Variants in KIAA1549L observed in about 807,000 individuals in gnomAD.
The protein encoded by KIAA1549L is KIAA1549 like.
In KIAA1549L, 88 loss-of-function variants were observed where a neutral mutation model predicts 160.7. The observed-to-expected ratio is 0.55, with a 90% CI of 0.46 to 0.65. KIAA1549L has a LOEUF of 0.65. Ranked by LOEUF, KIAA1549L falls within the 30% of genes least tolerant of loss-of-function variation. The pLI, the probability that KIAA1549L is intolerant of heterozygous loss-of-function variation, is 0.00. For synonymous variants in KIAA1549L, 950 were observed against 976.7 expected, an observed-to-expected ratio of 0.97 and a Z score of 0.51; for missense variants, 2,258 against 2,437.5, an observed-to-expected ratio of 0.93 and a Z score of 1.55.
rs375779935 is a variant in KIAA1549L at position 33,658,895 on chromosome 11, T to A, written c.6004T>A (p.Ser2002Thr). The change falls in exon 19 of 21, where the codon TCA becomes ACA. Residue 2002 changes from serine (S) to threonine (T), a missense_variant. Transcript: ENST00000658780. ...GTTGGATCAGTCGGCTTTAAATTAC[T>A]CAGGTGGGCAAGAGAAAAGCCCGAG... ...TQLDQSALNY[S>T]GNTVPAVFAI... is the part of the protein sequence containing the mutation. 1 of 1,551,234 alleles carries A rather than the reference T, an allele frequency of 6.4e-7. No individual in the cohort carries two copies. The highest frequency in any genetic ancestry group is 8.7e-7 in the Non-Finnish European group (1 of 1,146,924).
intron 1 of KIAA1549L, among the ~76,000 whole-genome samples, chr11:33,432,782 C>T (rs956446529): frequency 1.9e-4 from 29 of 152,194 alleles, no homozygotes; most frequent in African/African-American, 7.0e-4. Context: ...TAACACCACA[C>T]ATCTACAACC....
rs60127936 is a variant in KIAA1549L, at chr11:33,405,510, CTTTTT to C, written c.238+28634_238+28638del. Among the ~76,000 whole-genome samples the C allele has an allele frequency of 8.1e-4, 113 of 138,656 alleles. 1 individual carries two copies. Among genetic ancestry groups the C allele is most frequent in the African/African-American group, 2.9e-3 (109 of 37,726 alleles). The allele number at this position is 138,656 out of a possible 152,430, so 91.0% of individuals were successfully genotyped here. On this transcript the variant is annotated intron_variant, in intron 1 of 20. Transcript: ENST00000658780. ...ATGTCTTTTATGTTATTTCCCTACA[CTTTTT>C]TTTTTTTTTTTTAACATAATACACT...
intron 13 of KIAA1549L, among the ~76,000 whole-genome samples, chr11:33,600,529 C>T (rs144894514): frequency 1.0e-3 from 154 of 151,794 alleles, no homozygotes; most frequent in Non-Finnish European, 1.6e-3. Flanking sequence ...CTCCCAGCTC[C>T]GCCTACTCCC....
At chr11:33,426,152 A>G (rs1477236708) in intron 1 of KIAA1549L, among the ~76,000 whole-genome samples, 3 of 152,182 alleles carry the variant, frequency 2.0e-5, no homozygotes, top group Non-Finnish European at 4.4e-5. Flanking sequence ...TAAATTTATC[A>G]GTGTTATATT....
At chr11:33,430,041 T>TTCCTTCCTCCCTTCCTCCCTTCCTC (rs1554976200) in intron 1 of KIAA1549L, among the ~76,000 whole-genome samples, 10 of 140,502 alleles carry the variant, frequency 7.1e-5, no homozygotes, top group Non-Finnish European at 1.1e-4. Flanking sequence ...CTTCCTTCCT[T>TTCCTTCCTCCCTTCCTCCCTTCCTC]CCTTCCTCCC....
At chr11:33,654,612 C>T (rs1259189840) in intron 17 of KIAA1549L, among the ~76,000 whole-genome samples, 1 of 152,212 alleles carries the variant, frequency 6.6e-6, no homozygotes, top group Non-Finnish European at 1.5e-5. Context: ...GGTTCAGCCA[C>T]CTCACCTCGT....
At chr11:33,603,703 G>A (rs1426458734) in intron 13 of KIAA1549L, among the ~76,000 whole-genome samples, 2 of 152,092 alleles carry the variant, frequency 1.3e-5, no homozygotes, top group Non-Finnish European at 2.9e-5. Context: ...CTACTCGGGA[G>A]GCTGAGGCAG....
intron 1 of KIAA1549L, among the ~76,000 whole-genome samples, chr11:33,456,186 A>G (rs1026904192): frequency 6.6e-6 from 1 of 152,144 alleles, no homozygotes; most frequent in Non-Finnish European, 1.5e-5. Flanking sequence ...TTGAGCAGGG[A>G]ACAAAATGAC....
intron 4 of KIAA1549L, among the ~76,000 whole-genome samples, chr11:33,548,130 T>A (rs1590332173): frequency 6.6e-6 from 1 of 152,186 alleles, no homozygotes; most frequent in African/African-American, 2.4e-5. Flanking sequence ...GCCAGGTGGG[T>A]GGCTCACACC....
At position 33,543,714 on chromosome 11, in the gene KIAA1549L, G is replaced by A. The variant is rs1174683190; in HGVS notation, c.2151G>A (p.Gln717=). Residue 717 remains glutamine (Q), a synonymous_variant, in exon 2 of 21, where the codon CAG becomes CAA. Transcript: ENST00000658780. ...LSTESIISGL[Q]QQTNYDLNGH... is the part of the protein sequence containing the mutation. ...CAGAATCAATAATATCTGGCTTGCA[G>A]CAGCAAACAAATTATGATTTAAATG... The A allele has an allele frequency of 1.2e-6, 2 of 1,613,984 alleles. No individual in the cohort carries two copies.
Position 33,435,790 on chromosome 11 carries a change from A to ATGTGTGTGTGTG in KIAA1549L, c.238+58902_238+58903insGTGTGTGTGTGT, listed in dbSNP as rs1210337486. ...TATATATATATATATATATATATAT[A>ATGTGTGTGTGTG]TATATATATATATATATATATGTGT... is the stretch of plus-strand genomic sequence containing the variant. On this transcript the variant is annotated intron_variant, in intron 1 of 20. Transcript: ENST00000658780. 8.4e-4 allele frequency among the ~76,000 whole-genome samples: 22 copies of ATGTGTGTGTGTG among 26,102 alleles called. 2 individuals carry two copies. In the East Asian group the frequency reaches 0.049, roughly 58 times the overall value. The allele number at this position is 26,102 out of a possible 152,430, so 17.1% of individuals were successfully genotyped here. A position where few individuals can be genotyped will look rare whatever the true frequency, so the allele number is the denominator to read the frequency against.
Position 33,543,726 on chromosome 11 carries a change from T to G in KIAA1549L, c.2163T>G (p.Asn721Lys). The G allele has an allele frequency of 1.2e-6, 2 of 1,614,048 alleles. No homozygotes were observed. The highest frequency in any genetic ancestry group is 1.7e-6 in the Non-Finnish European group (2 of 1,179,892). Residue 721 changes from asparagine to lysine, a missense_variant, in exon 2 of 21, where the codon AAT becomes AAG. Asn to Lys is a moderately conservative substitution (Grantham distance 94). This residue lies in a region of KIAA1549L where 287 missense variants were observed against 292.3 expected (regional missense o/e 0.98). Transcript: ENST00000658780. ...SIISGLQQQT[N>K]YDLNGHTIST... ...TATCTGGCTTGCAGCAGCAAACAAATTATGATTTAAATGGACACACAATTA... is the reference window on the plus strand; with the variant it reads ...TATCTGGCTTGCAGCAGCAAACAAAGTATGATTTAAATGGACACACAATTA...
intron 16 of KIAA1549L, among the ~76,000 whole-genome samples, chr11:33,622,123 T>G (rs1164429436): frequency 6.6e-6 from 1 of 152,082 alleles, no homozygotes; most frequent in African/African-American, 2.4e-5. Flanking sequence ...GCGATCACAG[T>G]CATTAGTTCT....
intron 1 of KIAA1549L, among the ~76,000 whole-genome samples, chr11:33,535,488 C>T (rs1331948047): frequency 2.0e-5 from 3 of 151,974 alleles, no homozygotes; most frequent in Non-Finnish European, 4.4e-5. Context: ...GCCTGGGTGA[C>T]ATGGCGAAAC....
intron 1 of KIAA1549L, among the ~76,000 whole-genome samples, chr11:33,531,729 G>T (rs909354878): frequency 3.3e-5 from 5 of 152,210 alleles, no homozygotes; most frequent in African/African-American, 4.8e-5. Flanking sequence ...CGTTAGGCAA[G>T]AAGGTCCCAG....
At chr11:33,431,073 G>A (rs538670191) in intron 1 of KIAA1549L, among the ~76,000 whole-genome samples, 1 of 152,152 alleles carries the variant, frequency 6.6e-6, no homozygotes, top group South Asian at 2.1e-4. Flanking sequence ...AGACCTTTGC[G>A]GTGAGTGCTA....
At chr11:33,414,301 A>G (rs1850844095) in intron 1 of KIAA1549L, among the ~76,000 whole-genome samples, 1 of 152,230 alleles carries the variant, frequency 6.6e-6, no homozygotes, top group Admixed American at 6.5e-5. Context: ...TAATTTATGA[A>G]GTGAATATTC....
chr11:33,506,489 G>T (rs1345848101), intron 1 of KIAA1549L, among the ~76,000 whole-genome samples: 2 of 152,142 alleles, frequency 1.3e-5, no homozygotes, highest in East Asian at 3.9e-4. Flanking sequence ...ACTTTGGGAG[G>T]TTGAGGCAGG....
intron 1 of KIAA1549L, among the ~76,000 whole-genome samples, chr11:33,410,315 G>A (rs982516382): frequency 9.2e-5 from 14 of 152,010 alleles, no homozygotes; most frequent in Admixed American, 5.2e-4. Context: ...AGTGTAGACC[G>A]CATTTGTAAG....
Sources: allele counts gnomAD v4.1 joint callset (sites outside exome capture counted in the v4.1 genomes callset), GRCh38; gene constraint gnomAD v4.1.1; regional missense constraint gnomAD v4.1.1; transcripts MANE v1.5; gene names NCBI Gene and HGNC (gene_info 2026-07-23, HGNC 2026-07-21).